The following RYR2 variants were observed in gnomAD, a reference collection of about 807,000 sequenced individuals.
RYR2 encodes cardiac muscle ryanodine receptor-calcium release channel.
Under a neutral mutation model 601.1 loss-of-function variants are expected in RYR2, and 227 were observed. That is an observed-to-expected ratio of 0.38 (90% confidence interval 0.34 to 0.42). The LOEUF (loss-of-function observed/expected upper bound fraction) is 0.42. Ranked by LOEUF, RYR2 falls within the 10% of genes least tolerant of loss-of-function variation. RYR2 has a pLI of 1.00. For synonymous variants in RYR2, 2,223 were observed against 2,175.1 expected (o/e 1.02, Z -0.61); for missense variants, 4,646 against 6,156.5 (o/e 0.75, Z 8.21).
At chr1:237,452,764 AT>A (rs1422491355) in intron 14 of RYR2, among the ~76,000 whole-genome samples, 3 of 151,004 alleles carry the variant, frequency 2.0e-5, no homozygotes, top group African/African-American at 2.4e-5. Flanking sequence ...TTTCTGGATG[AT>A]TTTTTTTCTC....
In RYR2 at chr1:237,221,307, C is replaced by T. The variant is rs189546549; in HGVS notation, c.49-49190C>T. On this transcript the variant is annotated intron_variant, in intron 1 of 104. Transcript: ENST00000366574. ...AGATGAAACACTGAAACAGCTAAAC[C>T]TCACTTCCACTTGTTTAAGACATCA... is the stretch of plus-strand genomic sequence containing the variant. Among the ~76,000 whole-genome samples, 339 of 152,236 alleles carry T rather than the reference C, an allele frequency of 2.2e-3. 5 individuals are homozygous for T. Among genetic ancestry groups the T allele is most frequent in the Admixed American group, 0.021 (328 of 15,290 alleles).
intron 1 of RYR2, among the ~76,000 whole-genome samples, chr1:237,204,596 C>T (rs1681586996): frequency 6.6e-6 from 1 of 152,128 alleles, no homozygotes; most frequent in African/African-American, 2.4e-5. Context: ...CAGTAGCTCT[C>T]ATCCATCACG....
Position 237,479,074 on chromosome 1 carries a change from G to C in RYR2, c.1708+9887G>C, listed in dbSNP as rs150199178. ...TACTACCCCTCTCTTGAGTTACATT[G>C]GGTGATGCAGGCTTAGTGGCGAATG... On this transcript the variant is annotated intron_variant, in intron 17 of 104. Coordinates refer to ENST00000366574, the MANE Select transcript of RYR2 (RefSeq NM_001035.3). Among the ~76,000 whole-genome samples, 12 of 152,234 alleles carry C rather than the reference G, an allele frequency of 7.9e-5. No homozygotes were observed. The East Asian group carries it at 2.3e-3, about 29-fold the overall frequency.
At chr1:237,697,382 C>T (rs1687562133) in intron 63 of RYR2, among the ~76,000 whole-genome samples, 1 of 134,384 alleles carries the variant, frequency 7.4e-6, no homozygotes, top group African/African-American at 2.8e-5. Context: ...TATATAATTG[C>T]ATATTATATA....
chr1:237,760,361 T>TAA (rs34435442), intron 83 of RYR2, among the ~76,000 whole-genome samples: 35,651 of 99,634 alleles, frequency 0.36, 6,634 homozygotes, highest in East Asian at 0.64. Context: ...GTCGCTAATT[T>TAA]AAAAAAAAAA....
intron 1 of RYR2, among the ~76,000 whole-genome samples, chr1:237,244,487 T>C (rs1686572454): frequency 6.6e-6 from 1 of 152,096 alleles, no homozygotes; most frequent in Non-Finnish European, 1.5e-5. Flanking sequence ...GAGTGGAAAG[T>C]CTATTTGCAT....
intron 6 of RYR2, among the ~76,000 whole-genome samples, chr1:237,373,920 C>G (rs912305560): frequency 3.3e-5 from 5 of 152,184 alleles, no homozygotes; most frequent in Non-Finnish European, 7.3e-5. Flanking sequence ...AGATTTCTAA[C>G]TGTCAGACTA....
chr1:237,445,230 A>G (rs1462357118), intron 13 of RYR2, among the ~76,000 whole-genome samples, 171 bp from the exon 14 acceptor site: 2 of 152,168 alleles, frequency 1.3e-5, no homozygotes, highest in African/African-American at 4.8e-5. Context: ...GCTAATTTGT[A>G]TAGGGAGCTG....
intron 29 of RYR2, among the ~76,000 whole-genome samples, chr1:237,578,049 A>T: frequency 6.6e-6 from 1 of 152,128 alleles, no homozygotes; most frequent in East Asian, 1.9e-4. Flanking sequence ...ACCTAAGGTG[A>T]TCTGCCTGCT....
intron 8 of RYR2, among the ~76,000 whole-genome samples, chr1:237,382,995 A>C (rs1701664611): frequency 6.6e-6 from 1 of 151,798 alleles, no homozygotes; most frequent in Admixed American, 6.6e-5. Flanking sequence ...CTTAAATGAC[A>C]ATTTGTTCAG....
chr1:237,800,947 A>G (rs916208141), intron 97 of RYR2, among the ~76,000 whole-genome samples: 1 of 152,202 alleles, frequency 6.6e-6, no homozygotes, highest in Non-Finnish European at 1.5e-5. Flanking sequence ...TAATAAAAGG[A>G]ATTGTCTACA....
chr1:237,268,934 T>TAAAA (rs1689357975), intron 1 of RYR2, among the ~76,000 whole-genome samples: 1 of 4,252 alleles, frequency 2.4e-4, no homozygotes, highest in African/African-American at 9.1e-4. Flanking sequence ...GACTCTTGTC[T>TAAAA]CAAAAAAAAA....
At chr1:237,405,149 C>T (rs1016718738) in intron 10 of RYR2, among the ~76,000 whole-genome samples, 11 of 152,196 alleles carry the variant, frequency 7.2e-5, no homozygotes, top group African/African-American at 2.7e-4. Flanking sequence ...CAGGAATAGA[C>T]TACCAAAACA....
chr1:237,193,782 A>G (rs1241424790), intron 1 of RYR2, among the ~76,000 whole-genome samples: 1 of 152,234 alleles, frequency 6.6e-6, no homozygotes, highest in African/African-American at 2.4e-5. Flanking sequence ...CACAAATATG[A>G]TATAAAACTA....
At chr1:237,352,218 T>C (rs912234835) in intron 3 of RYR2, among the ~76,000 whole-genome samples, 10 of 152,030 alleles carry the variant, frequency 6.6e-5, no homozygotes, top group African/African-American at 2.2e-4. Flanking sequence ...TTGGGGAAAG[T>C]GGATACTTTT....
intron 2 of RYR2, among the ~76,000 whole-genome samples, chr1:237,276,395 T>C (rs899461447): frequency 4.6e-5 from 7 of 152,206 alleles, no homozygotes; most frequent in African/African-American, 1.7e-4. Context: ...CCACCACGCC[T>C]GGCCTCAGTG....
At chr1:237,587,514 T>C (rs988328063) in intron 29 of RYR2, among the ~76,000 whole-genome samples, 2 of 152,160 alleles carry the variant, frequency 1.3e-5, no homozygotes, top group Admixed American at 6.5e-5. Flanking sequence ...TTTTCCTATT[T>C]AAAAATAAAC....
At chr1:237,360,232 A>G (rs566022592) in intron 4 of RYR2, among the ~76,000 whole-genome samples, 1 of 152,334 alleles carries the variant, frequency 6.6e-6, no homozygotes, top group South Asian at 2.1e-4. Flanking sequence ...TTTTATGTGT[A>G]GGTGATGATC....
chr1:237,379,440 G>C (rs562053756), intron 8 of RYR2, among the ~76,000 whole-genome samples: 1 of 152,294 alleles, frequency 6.6e-6, no homozygotes, highest in South Asian at 2.1e-4. Context: ...ATCATGCATA[G>C]TGCCAAGGTT....
Sources: gnomAD v4.1 joint callset for allele counts (sites outside exome capture counted in the v4.1 genomes callset) on GRCh38, gnomAD v4.1.1 for gene constraint, MANE v1.5 for transcripts, NCBI Gene and HGNC (gene_info 2026-07-23, HGNC 2026-07-21) for gene names.